The following SGCD variants were observed in gnomAD, a reference collection of about 807,000 sequenced individuals.
SGCD encodes sarcoglycan delta.
SGCD carries 18 observed loss-of-function variants against 36.6 expected under a neutral mutation model. The ratio of observed to expected loss-of-function variants is 0.49; its 90% CI spans 0.34 to 0.73. SGCD has a LOEUF of 0.73. SGCD is among the 30% of genes least tolerant of loss of function. The pLI, the probability that SGCD is intolerant of heterozygous loss-of-function variation, is 0.01. For synonymous variants in SGCD, 133 were observed against 130.6 expected (o/e 1.02, Z -0.12); for missense variants, 387 against 346.7 (o/e 1.12, Z -0.92).
At chr5:156,669,469 T>C (rs1009015108) in intron 7 of SGCD, among the ~76,000 whole-genome samples, 2 of 152,072 alleles carry the variant, frequency 1.3e-5, no homozygotes, top group Non-Finnish European at 1.5e-5. Flanking sequence ...CACAGAGAGG[T>C]TGACAAAATA....
At chr5:155,932,648 C>T (rs1305112750) in intron 1 of SGCD, among the ~76,000 whole-genome samples, 1 of 152,070 alleles carries the variant, frequency 6.6e-6, no homozygotes, top group Non-Finnish European at 1.5e-5. Flanking sequence ...CTTCATTGGA[C>T]CAAAATGTTT....
the SGCD span, among the ~76,000 whole-genome samples, chr5:155,833,237 G>A: frequency 6.6e-6 from 1 of 151,204 alleles, no homozygotes; most frequent in Admixed American, 6.6e-5. Context: ...AAAAAAAAAA[G>A]TCAGAAGGTA....
At chr5:155,904,055 A>G (rs1406752421) in intron 1 of SGCD, among the ~76,000 whole-genome samples, 1 of 152,166 alleles carries the variant, frequency 6.6e-6, no homozygotes, top group Non-Finnish European at 1.5e-5. Flanking sequence ...GTGTGTGCTC[A>G]TGTGTCACTG....
chr5:155,988,024 C>T (rs1009936008), intron 1 of SGCD, among the ~76,000 whole-genome samples: 1 of 152,182 alleles, frequency 6.6e-6, no homozygotes, highest in East Asian at 1.9e-4. Context: ...TTCCACATTG[C>T]AGATGAAGAG....
chr5:156,306,048 A>G (rs555418608), intron 3 of SGCD, among the ~76,000 whole-genome samples: 1 of 152,242 alleles, frequency 6.6e-6, no homozygotes, highest in South Asian at 2.1e-4. Context: ...CCCAGATGAG[A>G]TGTTTGACTG....
intron 1 of SGCD, among the ~76,000 whole-genome samples, chr5:156,020,200 A>C (rs950337315): frequency 2.0e-5 from 3 of 152,200 alleles, no homozygotes; most frequent in African/African-American, 7.2e-5. Context: ...CACTCTTTCC[A>C]CTTAATGATA....
At chr5:155,953,898 A>G (rs747931402) in intron 1 of SGCD, among the ~76,000 whole-genome samples, 2 of 152,164 alleles carry the variant, frequency 1.3e-5, no homozygotes, top group Non-Finnish European at 2.9e-5. Flanking sequence ...TCTGCTCATT[A>G]TTTTTACCTA....
intron 3 of SGCD, among the ~76,000 whole-genome samples, chr5:156,140,256 GA>G: frequency 6.6e-6 from 1 of 152,310 alleles, no homozygotes; most frequent in African/African-American, 2.4e-5. Context: ...GGTAGAGGCT[GA>G]AACAGTTATA....
intron 7 of SGCD, among the ~76,000 whole-genome samples, chr5:156,684,646 T>A (rs1753841718): frequency 6.6e-6 from 1 of 152,224 alleles, no homozygotes; most frequent in African/African-American, 2.4e-5. Context: ...TTCATCTGTA[T>A]TGTATTTCCA....
At chr5:156,097,963 G>T (rs1020158309) in intron 1 of SGCD, among the ~76,000 whole-genome samples, 2 of 152,102 alleles carry the variant, frequency 1.3e-5, no homozygotes, top group Non-Finnish European at 1.5e-5. Flanking sequence ...GGTTTATTAG[G>T]TGCCATCGGA....
At chr5:156,212,742 G>T (rs992790725) in intron 3 of SGCD, among the ~76,000 whole-genome samples, 2 of 152,018 alleles carry the variant, frequency 1.3e-5, no homozygotes, top group East Asian at 3.8e-4. Flanking sequence ...GATAGATCAC[G>T]TTAGGCCACA....
At chr5:156,441,788 T>C (rs1440911720) in intron 3 of SGCD, among the ~76,000 whole-genome samples, 1 of 152,224 alleles carries the variant, frequency 6.6e-6, no homozygotes, top group Non-Finnish European at 1.5e-5. Flanking sequence ...TTTAGCTCTC[T>C]GCAATTTATT....
At chr5:155,769,151 A>G in the SGCD span, among the ~76,000 whole-genome samples, 1 of 152,254 alleles carries the variant, frequency 6.6e-6, no homozygotes, top group South Asian at 2.1e-4. Flanking sequence ...AAAAATGTAA[A>G]GAAGTGAATT....
chr5:156,719,575 G>A (rs1024628377), intron 7 of SGCD, among the ~76,000 whole-genome samples: 15 of 151,954 alleles, frequency 9.9e-5, no homozygotes, highest in South Asian at 4.2e-4. Flanking sequence ...ATTATTTTTC[G>A]AGTGGACATA....
chr5:156,083,068 C>T (rs866470052), intron 1 of SGCD, among the ~76,000 whole-genome samples: 2 of 151,976 alleles, frequency 1.3e-5, no homozygotes, highest in South Asian at 2.1e-4. Flanking sequence ...TATATCTTCT[C>T]TGGTGAAATG....
intron 1 of SGCD, among the ~76,000 whole-genome samples, chr5:155,943,588 G>T (rs111532811): frequency 5.3e-5 from 8 of 152,188 alleles, no homozygotes; most frequent in Non-Finnish European, 1.2e-4. Flanking sequence ...ATAAACTCCA[G>T]AACTATATTT....
intron 3 of SGCD, among the ~76,000 whole-genome samples, chr5:156,506,750 A>G (rs1170568601): frequency 1.3e-5 from 2 of 152,214 alleles, no homozygotes; most frequent in African/African-American, 4.8e-5. Context: ...GGTTTGGAAG[A>G]TACTAGGTGG....
intron 3 of SGCD, among the ~76,000 whole-genome samples, chr5:156,375,395 C>A (rs1274788239): frequency 9.0e-6 from 1 of 110,776 alleles, no homozygotes; most frequent in Non-Finnish European, 1.8e-5. Context: ...TCCTTCACAG[C>A]TTTTTTTTTT....
the SGCD span, among the ~76,000 whole-genome samples, chr5:155,759,486 T>C: frequency 2.0e-5 from 3 of 152,300 alleles, no homozygotes; most frequent in East Asian, 5.8e-4. Context: ...AAGACTTTTT[T>C]GAAAAACTGT....
Sources: gnomAD v4.1 joint callset for allele counts (sites outside exome capture counted in the v4.1 genomes callset) on GRCh38, gnomAD v4.1.1 for gene constraint, MANE v1.5 for transcripts, NCBI Gene and HGNC (gene_info 2026-07-23, HGNC 2026-07-21) for gene names.